ACOT12: variants seen among roughly 807,000 people sequenced by gnomAD.
ACOT12 encodes the protein acyl-CoA thioesterase 12.
In ACOT12, 51 loss-of-function variants were observed where a neutral mutation model predicts 67.7. The observed-to-expected ratio is 0.75, with a 90% CI of 0.60 to 0.95. ACOT12 has a LOEUF of 0.95. ACOT12 is among the 40% of genes least tolerant of loss of function. The pLI, the probability that ACOT12 is intolerant of heterozygous loss-of-function variation, is 0.00. For missense variants in ACOT12, 734 were observed against 708.1 expected (o/e 1.04, Z -0.41); for synonymous variants, 251 against 244.6 (o/e 1.03, Z -0.24).
chr5:81,391,873 A>G (rs754246586), intron 1 of ACOT12, among the ~76,000 whole-genome samples: 13 of 152,216 alleles, frequency 8.5e-5, no homozygotes, highest in Admixed American at 5.9e-4. Flanking sequence ...AGAGAGAAAT[A>G]TCAAGGATGA....
intron 13 of ACOT12, among the ~76,000 whole-genome samples, chr5:81,331,278 C>T (rs1758815956): frequency 6.6e-6 from 1 of 152,234 alleles, no homozygotes; most frequent in Non-Finnish European, 1.5e-5. Context: ...TGGCTCACGC[C>T]TGTAATCCCA....
At chr5:81,365,527 T>C (rs1760052225) in intron 3 of ACOT12, among the ~76,000 whole-genome samples, 1 of 152,230 alleles carries the variant, frequency 6.6e-6, no homozygotes, top group African/African-American at 2.4e-5. Context: ...AAATAAGTTC[T>C]AAACACTGTC....
intron 5 of ACOT12, among the ~76,000 whole-genome samples, chr5:81,355,967 A>G (rs1246910046): frequency 6.6e-6 from 1 of 152,238 alleles, no homozygotes; most frequent in Non-Finnish European, 1.5e-5. Flanking sequence ...TGCAATGGCC[A>G]CTGTGTCCCT....
chr5:81,361,319 C>T (rs549481985), intron 4 of ACOT12, among the ~76,000 whole-genome samples: 1 of 151,256 alleles, frequency 6.6e-6, no homozygotes, highest in East Asian at 2.0e-4. Context: ...CTCAAGGGAT[C>T]CTCTCAGTAG....
chr5:81,364,852 CT>C (rs11291371), intron 3 of ACOT12, among the ~76,000 whole-genome samples: 43,701 of 152,048 alleles, frequency 0.29, 6,629 homozygotes, highest in African/African-American at 0.36. Flanking sequence ...TGTACCATAA[CT>C]TTTTTTAGCC....
At chr5:81,388,662 C>G (rs1372619028) in intron 1 of ACOT12, among the ~76,000 whole-genome samples, 2 of 152,194 alleles carry the variant, frequency 1.3e-5, no homozygotes, top group African/African-American at 4.8e-5. Flanking sequence ...AGGACCCCTG[C>G]TCTCATGGAG....
the ACOT12 span, chr5:81,308,899 C>A: frequency 6.6e-7 from 1 of 1,507,004 alleles, no homozygotes; most frequent in Non-Finnish European, 9.0e-7. Context: ...AATTTTATGA[C>A]TTGCCATATG....
chr5:81,360,466 A>T (rs1257836945), intron 4 of ACOT12, among the ~76,000 whole-genome samples: 2 of 152,240 alleles, frequency 1.3e-5, no homozygotes, highest in Non-Finnish European at 2.9e-5. Context: ...GGGAATAAAG[A>T]TGTTCTAGAG....
At chr5:81,384,883 G>A (rs772858472) in intron 2 of ACOT12, among the ~76,000 whole-genome samples, 5 of 152,132 alleles carry the variant, frequency 3.3e-5, no homozygotes, top group Admixed American at 1.3e-4. Context: ...GCGATACACT[G>A]TACTATCCTC....
At position 81,389,941 on chromosome 5, in the gene ACOT12, T is replaced by C. The variant is rs77331140; in HGVS notation, c.127+4047A>G. Among the ~76,000 whole-genome samples the C allele has an allele frequency of 5.7e-3, 860 of 150,654 alleles. 27 individuals carry two copies. The highest frequency in any genetic ancestry group is 0.02 in the African/African-American group (815 of 40,816). On this transcript the variant is annotated intron_variant, in intron 1 of 14. Coordinates refer to ENST00000307624, the MANE Select transcript of ACOT12 (RefSeq NM_130767.3). ...ATTTTTCCACAAATCTCTGACACTT[T>C]ATTTTATTTATGTATTTTTTTTTTT...
chr5:81,369,124 A>G (rs1427535525), intron 3 of ACOT12, among the ~76,000 whole-genome samples: 1 of 152,076 alleles, frequency 6.6e-6, no homozygotes, highest in Non-Finnish European at 1.5e-5. Context: ...TATCTCAATA[A>G]AACTGATTCT....
intron 5 of ACOT12, among the ~76,000 whole-genome samples, chr5:81,354,545 C>T (rs1021847075): frequency 2.0e-5 from 3 of 152,134 alleles, no homozygotes; most frequent in African/African-American, 4.8e-5. Context: ...TCCCAATAGA[C>T]GAACCCTCGC....
At chr5:81,364,039 A>G (rs1760000128) in intron 3 of ACOT12, 150 bp from the exon 4 acceptor site, 6 of 445,096 alleles carry the variant, frequency 1.3e-5, no homozygotes, top group South Asian at 7.4e-5. Flanking sequence ...AATTATTTCA[A>G]TGATGTTCTA....
intron 11 of ACOT12, among the ~76,000 whole-genome samples, chr5:81,342,178 A>G (rs1759216331): frequency 6.6e-6 from 1 of 152,106 alleles, no homozygotes; most frequent in Non-Finnish European, 1.5e-5. Flanking sequence ...TTTTGTAGAG[A>G]TGGGGTCTCA....
Position 81,394,065 on chromosome 5 carries a change from G to A in ACOT12, c.50C>T (p.Pro17Leu), listed in dbSNP as rs780389921. The change falls in exon 1 of 15, where the codon CCG becomes CTG. Residue 17 changes from proline (P) to leucine (L), a missense_variant. Pro to Leu is a moderately conservative substitution (Grantham distance 98). Coordinates refer to ENST00000307624, the MANE Select transcript of ACOT12 (RefSeq NM_130767.3). Reference protein sequence around the residue: ...GEVVMSQAIQPAHATARGELS... With the variant: ...GEVVMSQAIQLAHATARGELS... ...CTCGCCGCGCGCAGTGGCGTGCGCC[G>A]GCTGGATGGCTTGGCTCATGACCAC... The A allele has an allele frequency of 1.2e-5, 18 of 1,472,772 alleles. No homozygotes were observed. Among genetic ancestry groups the A allele is most frequent in the Non-Finnish European group, 1.6e-5 (18 of 1,118,646 alleles). 91.2% of individuals were successfully genotyped at this position (1,472,772 alleles called of 1,614,324 possible).
At chr5:81,356,945 A>G (rs1040056209) in intron 5 of ACOT12, among the ~76,000 whole-genome samples, 2 of 151,862 alleles carry the variant, frequency 1.3e-5, no homozygotes, top group African/African-American at 4.8e-5. Context: ...GGCTCCCATC[A>G]AGAACAGAAG....
the ACOT12 span, among the ~76,000 whole-genome samples, chr5:81,320,947 C>G: frequency 1.3e-5 from 2 of 152,144 alleles, no homozygotes; most frequent in Non-Finnish European, 2.9e-5. Context: ...AAGGCCGGCT[C>G]TCTGGTTCAA....
At chr5:81,317,143 C>T in the ACOT12 span, among the ~76,000 whole-genome samples, 1 of 152,002 alleles carries the variant, frequency 6.6e-6, no homozygotes, top group African/African-American at 2.4e-5. Context: ...ACTGTCTAAC[C>T]CAAGAGTATT....
At chr5:81,332,659 C>G in intron 12 of ACOT12, 54 bp from the exon 13 acceptor site, 1 of 1,602,970 alleles carries the variant, frequency 6.2e-7, no homozygotes. Context: ...CTCAGGCATT[C>G]ACTTCCCTTA....
Sources: allele counts gnomAD v4.1 joint callset (sites outside exome capture counted in the v4.1 genomes callset), GRCh38; gene constraint gnomAD v4.1.1; transcripts MANE v1.5; gene names NCBI Gene and HGNC (gene_info 2026-07-23, HGNC 2026-07-21).